Variants in FCHSD2 observed in about 807,000 individuals in gnomAD.
The protein encoded by FCHSD2 is FCH and double SH3 domains 2.
In FCHSD2, 38 loss-of-function variants were observed where a neutral mutation model predicts 108.1. The observed-to-expected ratio is 0.35, with a 90% confidence interval of 0.27 to 0.46. The LOEUF (loss-of-function observed/expected upper bound fraction) is 0.46. Among genes scored for constraint, FCHSD2 ranks in the 20% least tolerant of loss-of-function variants. FCHSD2 has a pLI of 1.00. For synonymous variants in FCHSD2, 279 were observed against 314.7 expected, an observed-to-expected ratio of 0.89 and a Z score of 1.20; for missense variants, 751 against 897.8, an observed-to-expected ratio of 0.84 and a Z score of 2.09.
chr11:72,930,251 G>C (rs746690584), intron 8 of FCHSD2, among the ~76,000 whole-genome samples: 1 of 152,010 alleles, frequency 6.6e-6, no homozygotes, highest in Non-Finnish European at 1.5e-5. Context: ...AATAGCTGCC[G>C]AAACAATCTG....
At chr11:73,100,861 G>A (rs1860207933) in intron 2 of FCHSD2, among the ~76,000 whole-genome samples, 1 of 145,912 alleles carries the variant, frequency 6.9e-6, no homozygotes, top group African/African-American at 2.5e-5. Flanking sequence ...CTTCTACGTG[G>A]GATTTTTTTT....
At chr11:72,935,508 T>C (rs536242589) in intron 8 of FCHSD2, among the ~76,000 whole-genome samples, 23 of 152,334 alleles carry the variant, frequency 1.5e-4, no homozygotes, top group Admixed American at 1.3e-3. Context: ...AATTAAATCA[T>C]GAAATTCTAC....
intron 12 of FCHSD2, among the ~76,000 whole-genome samples, chr11:72,878,024 T>C (rs945983122): frequency 6.6e-6 from 1 of 152,022 alleles, no homozygotes; most frequent in Non-Finnish European, 1.5e-5. Context: ...ATAAAGCAAA[T>C]AAAATATTAG....
chr11:72,991,067 G>A (rs925941590), intron 5 of FCHSD2, among the ~76,000 whole-genome samples: 9 of 152,150 alleles, frequency 5.9e-5, no homozygotes, highest in Middle Eastern at 3.2e-3. Flanking sequence ...ACTACCATCA[G>A]AGAATACTAT....
chr11:72,860,730 A>G (rs1198262280), intron 13 of FCHSD2, among the ~76,000 whole-genome samples: 1 of 152,098 alleles, frequency 6.6e-6, no homozygotes, highest in Non-Finnish European at 1.5e-5. Context: ...AGGCTGAGGC[A>G]TAAGAATCAC....
intron 5 of FCHSD2, among the ~76,000 whole-genome samples, chr11:72,994,906 G>A (rs1857492665): frequency 6.6e-6 from 1 of 152,120 alleles, no homozygotes; most frequent in Non-Finnish European, 1.5e-5. Context: ...TGGTGACAAG[G>A]TTGTTCAACC....
intron 10 of FCHSD2, chr11:72,900,220 T>TACCAAACCACCCCC: frequency 1.1e-6 from 1 of 886,374 alleles, no homozygotes; most frequent in Non-Finnish European, 1.8e-6. Flanking sequence ...AACCCACACT[T>TACCAAACCACCCCC]CCCATCCCTC....
At chr11:73,120,008 A>G (rs143999158) in intron 2 of FCHSD2, among the ~76,000 whole-genome samples, 121 of 152,180 alleles carry the variant, frequency 8.0e-4, no homozygotes, top group African/African-American at 2.7e-3. Context: ...CCCCTCTTAC[A>G]TGGATGGCAG....
intron 3 of FCHSD2, among the ~76,000 whole-genome samples, chr11:73,028,813 G>T (rs1297759973): frequency 6.6e-6 from 1 of 152,128 alleles, no homozygotes; most frequent in Non-Finnish European, 1.5e-5. Context: ...AGAGCTGATG[G>T]TTTAAAAGTT....
intron 12 of FCHSD2, among the ~76,000 whole-genome samples, chr11:72,879,210 C>A (rs930299147): frequency 6.6e-6 from 1 of 152,284 alleles, no homozygotes; most frequent in Admixed American, 6.5e-5. Context: ...TAGTATAGGG[C>A]TAATTTCTAA....
chr11:72,856,484 T>C (rs1861432256), intron 13 of FCHSD2, among the ~76,000 whole-genome samples: 2 of 152,214 alleles, frequency 1.3e-5, no homozygotes, highest in South Asian at 4.1e-4. Context: ...CCCATAAATA[T>C]GTATAAATAT....
intron 8 of FCHSD2, among the ~76,000 whole-genome samples, chr11:72,924,503 C>T (rs192426140): frequency 0.013 from 1,982 of 150,042 alleles, 45 homozygotes; most frequent in African/African-American, 0.044. Flanking sequence ...AGGATGGTCT[C>T]GATCTCCTGA....
chr11:72,855,399 C>T (rs1861401138), intron 13 of FCHSD2, among the ~76,000 whole-genome samples: 1 of 152,112 alleles, frequency 6.6e-6, no homozygotes, highest in Non-Finnish European at 1.5e-5. Context: ...TCACTTGAAC[C>T]CGGGAGGCGG....
intron 3 of FCHSD2, among the ~76,000 whole-genome samples, chr11:73,017,494 G>GTACC (rs1215012905): frequency 2.0e-5 from 3 of 152,096 alleles, no homozygotes; most frequent in Non-Finnish European, 4.4e-5. Flanking sequence ...ACTCTACATG[G>GTACC]TACCTTTCTA....
intron 8 of FCHSD2, 113 bp downstream of exon 8, chr11:72,983,975 C>A: frequency 1.3e-6 from 1 of 799,460 alleles, no homozygotes; most frequent in Non-Finnish European, 2.1e-6. Context: ...CAATGAGATG[C>A]AACATAGCCT....
chr11:73,088,870 T>C (rs1042729683), intron 2 of FCHSD2, among the ~76,000 whole-genome samples: 7 of 152,196 alleles, frequency 4.6e-5, no homozygotes, highest in Non-Finnish European at 7.4e-5. Flanking sequence ...AAAGGAAATA[T>C]TTAAATTATG....
In FCHSD2 at chr11:73,015,858, G is replaced by C; in HGVS notation, c.193C>G (p.Leu65Val). ...QGMQKLASQY[L>V]KRDWPGVKAD... Reference sequence around the variant, plus strand: ...TTTACTCCAGGCCAATCTCTCTTCAGGTATTGACTAGCCAACTTCTGCATA... The same window carrying C: ...TTTACTCCAGGCCAATCTCTCTTCACGTATTGACTAGCCAACTTCTGCATA... The change falls in exon 4 of 20, where the codon CTG becomes GTG. Residue 65 changes from leucine to valine, a missense_variant. Physicochemically the swap from Leu to Val is conservative, Grantham distance 32. Transcript: ENST00000409418. 6.2e-7 allele frequency: 1 copy of C among 1,603,260 alleles called. No homozygotes were observed. The highest frequency in any genetic ancestry group is 1.3e-5 in the African/African-American group (1 of 74,568).
intron 2 of FCHSD2, among the ~76,000 whole-genome samples, chr11:73,138,222 C>A (rs1861167257): frequency 6.6e-6 from 1 of 152,130 alleles, no homozygotes; most frequent in Non-Finnish European, 1.5e-5. Context: ...CCCCATTTTA[C>A]AAATAAGAAA....
intron 2 of FCHSD2, among the ~76,000 whole-genome samples, chr11:73,136,072 A>C (rs543606453): frequency 1.3e-5 from 2 of 152,070 alleles, no homozygotes; most frequent in Admixed American, 6.6e-5. Context: ...AGGCAGAAGG[A>C]TCACCTGAAC....
Sources: gnomAD v4.1 joint callset for allele counts (sites outside exome capture counted in the v4.1 genomes callset) on GRCh38, gnomAD v4.1.1 for gene constraint, MANE v1.5 for transcripts, NCBI Gene and HGNC (gene_info 2026-07-23, HGNC 2026-07-21) for gene names.